The following NPAT variants were observed in gnomAD, a reference collection of about 807,000 sequenced individuals.
NPAT encodes the protein protein NPAT.
A neutral mutation model predicts 130.7 loss-of-function variants in NPAT; 52 were observed. That is an observed-to-expected ratio of 0.40 (90% CI 0.32 to 0.50). NPAT has a LOEUF of 0.50. NPAT is among the 20% of genes least tolerant of loss of function. NPAT has a pLI of 0.68. For missense variants in NPAT, 1,687 were observed against 1,662.6 expected (o/e 1.01, Z -0.26); for synonymous variants, 580 against 584.8 (o/e 0.99, Z 0.12).
At chr11:108,216,628 A>G (rs551320320) in intron 1 of NPAT, among the ~76,000 whole-genome samples, 1 of 143,480 alleles carries the variant, frequency 7.0e-6, no homozygotes, top group African/African-American at 2.6e-5. Context: ...TTTCAGAAAA[A>G]TATTGTCATT....
chr11:108,174,368 T>A (rs1392946120), intron 12 of NPAT, among the ~76,000 whole-genome samples: 3 of 152,150 alleles, frequency 2.0e-5, no homozygotes, highest in Non-Finnish European at 4.4e-5. Flanking sequence ...ATTAAACACA[T>A]ATTTACTGAA....
chr11:108,197,598 C>G (rs188851138), intron 1 of NPAT, among the ~76,000 whole-genome samples, 178 bp from the exon 2 acceptor site: 2 of 152,312 alleles, frequency 1.3e-5, no homozygotes, highest in African/African-American at 4.8e-5. Flanking sequence ...AAGTACAGTT[C>G]ATAGAACAGG....
rs557815886 is a variant in NPAT, at chr11:108,172,120, C to T, written c.2785+79G>A. The T allele has an allele frequency of 3.1e-5, 37 of 1,186,346 alleles. 1 individual carries two copies. The highest frequency in any genetic ancestry group is 5.1e-5 in the Admixed American group (3 of 59,228). The allele number at this position is 1,186,346 out of a possible 1,614,324, so 73.5% of individuals were successfully genotyped here. A position where few individuals can be genotyped will look rare whatever the true frequency, so the allele number is the denominator to read the frequency against. On this transcript the variant is annotated intron_variant, in intron 13 of 17. Coordinates refer to ENST00000278612, the MANE Select transcript of NPAT (RefSeq NM_002519.3). ...ACCATCTACTCATTAGTTATTACTT[C>T]GCAGTCAATAACATCACATACAAAA...
chr11:108,208,603 A>C (rs76395107), intron 1 of NPAT: 4,729 of 310,602 alleles, frequency 0.015, 61 homozygotes, highest in Non-Finnish European at 0.021. Flanking sequence ...AAAAAAAAAG[A>C]GAGAGAGAGA....
In NPAT at chr11:108,161,166, G is replaced by A. The variant is rs766299332; in HGVS notation, c.3920C>T (p.Pro1307Leu). ...EDSSTSKVMV[P>L]PVTPDLPACS... is the part of the protein sequence containing the mutation. ...GGCAGGCAAGTCTGGGGTGACAGGA[G>A]GGACCATTACTTTTGATGTACTACT... is the stretch of plus-strand genomic sequence containing the variant. The change falls in exon 17 of 18, where the codon CCT becomes CTT. Residue 1307 changes from proline to leucine, a missense_variant. Pro to Leu is a moderately conservative substitution (Grantham distance 98). Around this residue, in one of 3 missense-constraint regions of NPAT, gnomAD observed 1,379 missense variants for 1,346.6 expected, o/e 1.02. Coordinates refer to ENST00000278612, the MANE Select transcript of NPAT (RefSeq NM_002519.3). The A allele has an allele frequency of 6.2e-7, 1 of 1,614,136 alleles. No individual in the cohort carries two copies. Among genetic ancestry groups the A allele is most frequent in the Non-Finnish European group, 8.5e-7 (1 of 1,180,030 alleles).
At chr11:108,199,968 A>C (rs2078259040) in intron 1 of NPAT, among the ~76,000 whole-genome samples, 1 of 152,154 alleles carries the variant, frequency 6.6e-6, no homozygotes, top group African/African-American at 2.4e-5. Context: ...TGATAATATT[A>C]TTGAGTGGAA....
chr11:108,185,727 T>A (rs1307857796), intron 8 of NPAT, among the ~76,000 whole-genome samples: 1 of 152,188 alleles, frequency 6.6e-6, no homozygotes, highest in Non-Finnish European at 1.5e-5. Flanking sequence ...ACACTCATCA[T>A]CAAACCCCAG....
At chr11:108,172,121 GC>G (rs777957661) in intron 13 of NPAT, 77 bp downstream of exon 13, 12 of 1,193,946 alleles carry the variant, frequency 1.0e-5, no homozygotes, top group African/African-American at 1.5e-5. Context: ...TTATTACTTC[GC>G]AGTCAATAAC....
In NPAT at chr11:108,172,668, G is replaced by T. The variant is rs1327731172; in HGVS notation, c.2316C>A (p.Ile772=). The part of the protein sequence containing the change: ...SINGENLPTI[I]LSSPTKSPTK... ...TAGGTGATTTAGTAGGAGAAGACAA[G>T]ATTATAGTTGGCAGGTTTTCTCCAT... The change falls in exon 13 of 18, where the codon ATC becomes ATA. Residue 772 remains isoleucine (I), a synonymous_variant. Transcript: ENST00000278612. 3 of 1,613,960 alleles carry T rather than the reference G, an allele frequency of 1.9e-6. No homozygotes were observed. The highest frequency in any genetic ancestry group is 2.2e-5 in the East Asian group (1 of 44,882).
chr11:108,182,249 G>C (rs1003053424), intron 10 of NPAT, among the ~76,000 whole-genome samples: 2 of 152,140 alleles, frequency 1.3e-5, no homozygotes, highest in African/African-American at 2.4e-5. Context: ...CTGCATATGT[G>C]ACAGCCCCAC....
At position 108,161,120 on chromosome 11, in the gene NPAT, T is replaced by A; in HGVS notation, c.3966A>T (p.Thr1322=). The A allele has an allele frequency of 6.2e-7, 1 of 1,614,236 alleles. No homozygotes were observed. The highest frequency in any genetic ancestry group is 8.5e-7 in the Non-Finnish European group (1 of 1,180,038). ...CCATATTTACACTGTTTTCACTTCCTGTTTCACTGGCAGGGCTGCAGGCAG... is the reference window on the plus strand; with the variant it reads ...CCATATTTACACTGTTTTCACTTCCAGTTTCACTGGCAGGGCTGCAGGCAG... The part of the protein sequence containing the change: ...DLPACSPASE[T]GSENSVNMAA... The change falls in exon 17 of 18, where the codon ACA becomes ACT. Residue 1322 remains threonine (T), a synonymous_variant. Coordinates refer to ENST00000278612, the MANE Select transcript of NPAT (RefSeq NM_002519.3).
chr11:108,220,649 A>G (rs1393590717), intron 1 of NPAT, among the ~76,000 whole-genome samples: 1 of 152,218 alleles, frequency 6.6e-6, no homozygotes, highest in African/African-American at 2.4e-5. Context: ...CTCATATGAG[A>G]AAGATATACA....
intron 15 of NPAT, among the ~76,000 whole-genome samples, chr11:108,164,745 C>CT (rs1371286534): frequency 1.3e-5 from 2 of 152,214 alleles, no homozygotes; most frequent in Non-Finnish European, 2.9e-5. Flanking sequence ...GGCGCAGTGG[C>CT]TCATGCCTGT....
Position 108,158,870 on chromosome 11 carries a change from T to TA in NPAT, c.*71dup. 1.2e-6 allele frequency: 1 copy of TA among 868,772 alleles called. No homozygotes were observed. The highest frequency in any genetic ancestry group is 1.9e-6 in the Non-Finnish European group (1 of 513,734). The allele number at this position is 868,772 out of a possible 1,614,324, so 53.8% of individuals were successfully genotyped here. A position where few individuals can be genotyped will look rare whatever the true frequency, so the allele number is the denominator to read the frequency against. On this transcript the variant is annotated 3_prime_UTR_variant, in exon 18 of 18. Transcript: ENST00000278612. ...AGGTCATGCTTTCAGATTCTGTCAA[T>TA]ATCCCATTCCCTACACTCAGTTTAA...
intron 1 of NPAT, among the ~76,000 whole-genome samples, chr11:108,214,687 C>A (rs1444051752): frequency 6.8e-6 from 1 of 148,104 alleles, no homozygotes; most frequent in Non-Finnish European, 1.5e-5. Flanking sequence ...TGCTGGAGTG[C>A]AATGATGCAA....
intron 10 of NPAT, among the ~76,000 whole-genome samples, chr11:108,181,986 C>T (rs1353060809): frequency 6.6e-6 from 1 of 152,136 alleles, no homozygotes; most frequent in Non-Finnish European, 1.5e-5. Context: ...GCCTGTGCTG[C>T]CACCTGTGTC....
chr11:108,192,023 T>C, intron 4 of NPAT, 95 bp downstream of exon 4: 2 of 857,864 alleles, frequency 2.3e-6, no homozygotes. Context: ...ACTGGATGAG[T>C]GTTATATAAG....
rs1434972832 is a variant in NPAT at position 108,174,028 on chromosome 11, T to C, written c.1133-177A>G. Reference sequence around the variant, plus strand: ...AGTATCAAAAAATTTACAGGTACTTTCTAGTTACTGATGACTTTTTACACA... The same window carrying C: ...AGTATCAAAAAATTTACAGGTACTTCCTAGTTACTGATGACTTTTTACACA... On this transcript the variant is annotated intron_variant, in intron 12 of 17. Coordinates refer to ENST00000278612, the MANE Select transcript of NPAT (RefSeq NM_002519.3). Among the ~76,000 whole-genome samples the C allele has an allele frequency of 2.6e-5, 4 of 152,346 alleles. No homozygotes were observed. In the East Asian group the frequency reaches 7.7e-4, roughly 29 times the overall value.
chr11:108,192,272 C>T, intron 3 of NPAT, 82 bp from the exon 4 acceptor site: 1 of 880,138 alleles, frequency 1.1e-6, no homozygotes, highest in South Asian at 1.3e-5. Context: ...ACACAAAAAA[C>T]CTTGTCTCTC....
Sources: gnomAD v4.1 joint callset for allele counts (sites outside exome capture counted in the v4.1 genomes callset) on GRCh38, gnomAD v4.1.1 for gene constraint, gnomAD v4.1.1 regional missense constraint, MANE v1.5 for transcripts, NCBI Gene and HGNC (gene_info 2026-07-23, HGNC 2026-07-21) for gene names.